Variants in CCDC88A observed in about 807,000 individuals in gnomAD.
CCDC88A encodes the protein coiled-coil and HOOK domain protein 88A, also known as girdin.
CCDC88A carries 54 observed loss-of-function variants against 234.3 expected under a neutral mutation model. The ratio of observed to expected loss-of-function variants is 0.23; its 90% CI spans 0.19 to 0.29. The LOEUF (loss-of-function observed/expected upper bound fraction) is 0.29, where lower values mean the gene tolerates loss of function less well. Among genes scored for constraint, CCDC88A ranks in the 10% least tolerant of loss-of-function variants. CCDC88A has a pLI of 1.00. For synonymous variants in CCDC88A, 753 were observed against 737.8 expected, an observed-to-expected ratio of 1.02 and a Z score of -0.33; for missense variants, 1,832 against 2,123.4, an observed-to-expected ratio of 0.86 and a Z score of 2.70.
At chr2:55,417,703 G>C (rs371077635) in intron 2 of CCDC88A, 1 of 151,918 alleles carries the variant, frequency 6.6e-6, no homozygotes, top group African/African-American at 2.4e-5. Flanking sequence ...AAATCTCTTT[G>C]AGCACACAGA....
chr2:55,415,052 C>T (rs1372192728), intron 2 of CCDC88A, among the ~76,000 whole-genome samples: 1 of 135,144 alleles, frequency 7.4e-6, no homozygotes, highest in African/African-American at 2.7e-5. Flanking sequence ...GGGCATGGAG[C>T]GAGACTCTGT....
At chr2:55,333,721 T>C (rs1278661095) in intron 15 of CCDC88A, among the ~76,000 whole-genome samples, 1 of 152,112 alleles carries the variant, frequency 6.6e-6, no homozygotes, top group Non-Finnish European at 1.5e-5. Context: ...ACAACTTATA[T>C]GAAGTTTTTA....
chr2:55,412,947 A>T (rs1307559422), intron 2 of CCDC88A, among the ~76,000 whole-genome samples: 1 of 152,236 alleles, frequency 6.6e-6, no homozygotes, highest in Non-Finnish European at 1.5e-5. Context: ...TCATGCCTGT[A>T]ATGCCAGCCA....
intron 2 of CCDC88A, among the ~76,000 whole-genome samples, chr2:55,406,697 T>C (rs1430982179): frequency 1.3e-5 from 2 of 152,060 alleles, no homozygotes; most frequent in African/African-American, 4.8e-5. Context: ...AGGCAGAGGC[T>C]GCAGTGAGCT....
chr2:55,370,154 A>T (rs532780599), intron 5 of CCDC88A, among the ~76,000 whole-genome samples: 1 of 152,312 alleles, frequency 6.6e-6, no homozygotes, highest in Admixed American at 6.5e-5. Flanking sequence ...GACTACATGG[A>T]CATAAAATAT....
chr2:55,365,784 C>T (rs528901333), intron 5 of CCDC88A, among the ~76,000 whole-genome samples: 2 of 152,204 alleles, frequency 1.3e-5, no homozygotes, highest in East Asian at 1.9e-4. Flanking sequence ...AAGAGAAAGA[C>T]TGTCAAGATG....
At chr2:55,404,609 T>C (rs537820788) in intron 2 of CCDC88A, 5 of 152,268 alleles carry the variant, frequency 3.3e-5, no homozygotes, top group East Asian at 3.9e-4. Context: ...TGAACCAAGT[T>C]AGAGGAAAGA....
At chr2:55,327,617 C>T (rs1200051969) in intron 17 of CCDC88A, among the ~76,000 whole-genome samples, 1 of 152,172 alleles carries the variant, frequency 6.6e-6, no homozygotes, top group African/African-American at 2.4e-5. Context: ...GTAATCTTAT[C>T]AGTCTAAGTG....
rs1033882216 is a variant in CCDC88A at position 55,317,729 on chromosome 2, C to T, written c.3437G>A (p.Arg1146Gln). 29 of 1,613,346 alleles carry T rather than the reference C, an allele frequency of 1.8e-5. No homozygotes were observed. The highest frequency in any genetic ancestry group is 2.2e-5 in the Non-Finnish European group (26 of 1,179,636). The change falls in exon 20 of 33, where the codon CGA becomes CAA. Residue 1146 changes from arginine to glutamine, a missense_variant. By Grantham distance (43) the Arg-to-Gln change is conservative. Around this residue, in one of 6 missense-constraint regions of CCDC88A, gnomAD observed 1,282 missense variants for 1,543.6 expected, o/e 0.83. Coordinates refer to ENST00000436346, the MANE Select transcript of CCDC88A (RefSeq NM_001365480.1). This position sits in a 1 kb window ranked among gnomAD's most constrained non-coding sequence, Gnocchi z 4.2. ...ENENESVIKE[R>Q]EDLKSLYDSL... is the part of the protein sequence containing the mutation. ...ATCATAGAGAGATTTTAGGTCTTCT[C>T]GCTCTTTGATTACAGATTCATTTTC...
intron 3 of CCDC88A, among the ~76,000 whole-genome samples, chr2:55,382,581 G>C (rs1674776093): frequency 6.6e-6 from 1 of 151,940 alleles, no homozygotes; most frequent in Non-Finnish European, 1.5e-5. Context: ...CTTATTCACA[G>C]GGCTAAAAAT....
intron 2 of CCDC88A, among the ~76,000 whole-genome samples, chr2:55,403,122 C>G (rs1678995992): frequency 6.6e-6 from 1 of 152,088 alleles, no homozygotes; most frequent in Non-Finnish European, 1.5e-5. Context: ...TCATTGACAA[C>G]AAATACAATC....
Position 55,334,313 on chromosome 2 carries a change from C to A in CCDC88A, c.2508G>T (p.Lys836Asn). 1 of 1,459,552 alleles carries A rather than the reference C, an allele frequency of 6.9e-7. No individual in the cohort carries two copies. Among genetic ancestry groups the A allele is most frequent in the Non-Finnish European group, 9.0e-7 (1 of 1,108,204 alleles). 90.4% of individuals were successfully genotyped at this position (1,459,552 alleles called of 1,614,324 possible). A position where few individuals can be genotyped will look rare whatever the true frequency, so the allele number is the denominator to read the frequency against. The change falls in exon 15 of 33, where the codon AAG becomes AAT. Residue 836 changes from lysine to asparagine, a missense_variant. Transcript: ENST00000436346. The surrounding 1 kb of genome is among the most constrained non-coding windows in gnomAD (Gnocchi z 6.1). ...CTTGTTGTCGGAGTCTCTTATTTTCCTTCTCCAATTGTTTCTTATCCTTTT... is the reference window on the plus strand; with the variant it reads ...CTTGTTGTCGGAGTCTCTTATTTTCATTCTCCAATTGTTTCTTATCCTTTT... ...QLEKDKKQLE[K>N]ENKRLRQQAE...
intron 3 of CCDC88A, among the ~76,000 whole-genome samples, chr2:55,384,284 C>T (rs1285060528): frequency 6.8e-6 from 1 of 147,176 alleles, no homozygotes; most frequent in East Asian, 2.0e-4. Flanking sequence ...GAGATTGCAC[C>T]ACTGCACTCC....
chr2:55,298,649 C>T (rs926737155), intron 29 of CCDC88A, among the ~76,000 whole-genome samples: 6 of 152,010 alleles, frequency 3.9e-5, no homozygotes, highest in Non-Finnish European at 8.8e-5. Flanking sequence ...TGAGGTGCCT[C>T]ACTTGAGCAC....
chr2:55,332,531 T>A lies in CCDC88A; in HGVS notation c.2855+35A>T, dbSNP rs74650393. On this transcript the variant is annotated intron_variant, in intron 16 of 32. Transcript: ENST00000436346. The surrounding 1 kb of genome is among the most constrained non-coding windows in gnomAD (Gnocchi z 4.5). The stretch of plus-strand genomic sequence containing the variant: ...ATGTATGAGCAAAAAAAAAAAAAAA[T>A]TTTCAACTGTTTGCCAAGTAGACTT... 9,480 of 1,547,804 alleles carry A rather than the reference T, an allele frequency of 6.1e-3. 322 individuals carry two copies. The African/African-American group carries it at 0.12, about 19-fold the overall frequency.
At chr2:55,382,761 A>C (rs895083937) in intron 3 of CCDC88A, among the ~76,000 whole-genome samples, 1 of 152,210 alleles carries the variant, frequency 6.6e-6, no homozygotes, top group Non-Finnish European at 1.5e-5. Context: ...ATTTAACCAT[A>C]ATGAAGTATA....
At position 55,411,777 on chromosome 2, in the gene CCDC88A, CT is replaced by C. The variant is rs1297262236; in HGVS notation, c.164+7038del. Among the ~76,000 whole-genome samples the C allele has an allele frequency of 8.6e-3, 221 of 25,662 alleles. 2 individuals are homozygous for C. The highest frequency in any genetic ancestry group is 0.035 in the African/African-American group (211 of 6,104). 16.8% of individuals were successfully genotyped at this position (25,662 alleles called of 152,430 possible). Reference sequence around the variant, plus strand: ...CCTAGACGACAGAGTAAGACTCCGTCTCAAAAAAAAAAAAAAAAAAAAAAAA... The same window carrying C: ...CCTAGACGACAGAGTAAGACTCCGTCCAAAAAAAAAAAAAAAAAAAAAAAA... On this transcript the variant is annotated intron_variant, in intron 2 of 32. Transcript: ENST00000436346.
At chr2:55,344,908 T>G (rs569480576) in intron 10 of CCDC88A, among the ~76,000 whole-genome samples, 1 of 152,302 alleles carries the variant, frequency 6.6e-6, no homozygotes, top group East Asian at 1.9e-4. Flanking sequence ...AACTTGGAAG[T>G]GAAGGGCTTG....
rs1683155583 is a variant in CCDC88A, at chr2:55,317,765, G to A, written c.3401C>T (p.Ser1134Phe). ...QNAQLLIQQSSLENENESVIK... is the reference protein window; with the variant it reads ...QNAQLLIQQSFLENENESVIK... ...TACAGATTCATTTTCATTTTCTAAG[G>A]AAGACTGCTGGATTAGGAGTTGGGC... Residue 1134 changes from serine (S) to phenylalanine (F), a missense_variant, in exon 20 of 33, where the codon TCC becomes TTC. Physicochemically the swap from Ser to Phe is radical, Grantham distance 155. Around this residue, in one of 6 missense-constraint regions of CCDC88A, gnomAD observed 1,282 missense variants for 1,543.6 expected, o/e 0.83. Coordinates refer to ENST00000436346, the MANE Select transcript of CCDC88A (RefSeq NM_001365480.1). The surrounding 1 kb of genome is among the most constrained non-coding windows in gnomAD (Gnocchi z 4.2). 1 of 1,612,928 alleles carries A rather than the reference G, an allele frequency of 6.2e-7. No homozygotes were observed. Among genetic ancestry groups the A allele is most frequent in the African/African-American group, 1.3e-5 (1 of 74,860 alleles).
Sources: allele counts gnomAD v4.1 joint callset (sites outside exome capture counted in the v4.1 genomes callset), GRCh38; gene constraint gnomAD v4.1.1; regional missense constraint gnomAD v4.1.1; non-coding constraint Gnocchi (gnomAD v3.1); transcripts MANE v1.5; gene names NCBI Gene and HGNC (gene_info 2026-07-23, HGNC 2026-07-21).